The following NUDCD3 variants were observed in gnomAD, a reference collection of about 807,000 sequenced individuals.
The protein encoded by NUDCD3 is nudC domain-containing protein 3.
In NUDCD3, 13 loss-of-function variants were observed where a neutral mutation model predicts 39.7. The observed-to-expected ratio is 0.33, with a 90% CI of 0.21 to 0.52. The LOEUF (loss-of-function observed/expected upper bound fraction) is 0.52. Among genes scored for constraint, NUDCD3 ranks in the 20% least tolerant of loss-of-function variants. The pLI is 0.96. For missense variants in NUDCD3, 453 were observed against 458.1 expected, an observed-to-expected ratio of 0.99 and a Z score of 0.10; for synonymous variants, 175 against 172.4, an observed-to-expected ratio of 1.02 and a Z score of -0.12.
intron 2 of NUDCD3, chr7:44,484,439 G>A (rs1307608530): frequency 1.3e-5 from 2 of 153,210 alleles, no homozygotes; most frequent in Non-Finnish European, 2.9e-5. Flanking sequence ...TATGAGACAG[G>A]TACTATTATT....
chr7:44,379,287 CA>C lies in NUDCD3; in HGVS notation c.*6723del, dbSNP rs551774442. The C allele has an allele frequency of 6.1e-3, 568 of 93,520 alleles. 3 individuals are homozygous for C. Among genetic ancestry groups the C allele is most frequent in the African/African-American group, 0.01 (256 of 25,390 alleles). The allele number at this position is 93,520 out of a possible 1,614,324, so 5.8% of individuals were successfully genotyped here. On this transcript the variant is annotated 3_prime_UTR_variant, in exon 6 of 6. Transcript: ENST00000355451. Reference sequence around the variant, plus strand: ...GGGCAACACAGGAAAAACTCTGTCTCAAAAAAAAAAAAAACTTTTAAAATGA... The same window carrying C: ...GGGCAACACAGGAAAAACTCTGTCTCAAAAAAAAAAAAACTTTTAAAATGA...
chr7:44,457,361 G>C (rs909224712), intron 2 of NUDCD3, among the ~76,000 whole-genome samples: 5 of 152,078 alleles, frequency 3.3e-5, no homozygotes, highest in Non-Finnish European at 2.9e-5. Flanking sequence ...CAGATGAGAA[G>C]AAAAAAGTAA....
intron 3 of NUDCD3, among the ~76,000 whole-genome samples, chr7:44,409,721 T>C (rs899912886): frequency 6.6e-6 from 1 of 152,164 alleles, no homozygotes; most frequent in African/African-American, 2.4e-5. Flanking sequence ...CTCAAAGAGC[T>C]AAGAAAACTA....
In NUDCD3 at chr7:44,385,919, G is replaced by A. The variant is rs916600443; in HGVS notation, c.*92C>T. On this transcript the variant is annotated 3_prime_UTR_variant, in exon 6 of 6. Transcript: ENST00000355451. ...AAGGATGGCTAGGGGTAAACAAGACGAGCAAGTCCCTGGAATGCAGGGAGC... is the reference window on the plus strand; with the variant it reads ...AAGGATGGCTAGGGGTAAACAAGACAAGCAAGTCCCTGGAATGCAGGGAGC... The A allele has an allele frequency of 1.5e-5, 11 of 729,562 alleles. No homozygotes were observed. The highest frequency in any genetic ancestry group is 1.4e-4 in the Admixed American group (7 of 51,040). 45.2% of individuals were successfully genotyped at this position (729,562 alleles called of 1,614,324 possible). A position where few individuals can be genotyped will look rare whatever the true frequency, so the allele number is the denominator to read the frequency against.
At chr7:44,391,434 T>C (rs1029548094) in intron 5 of NUDCD3, among the ~76,000 whole-genome samples, 3 of 152,170 alleles carry the variant, frequency 2.0e-5, no homozygotes, top group Non-Finnish European at 4.4e-5. Flanking sequence ...AAGGTAAGAC[T>C]AAGACAATCC....
chr7:44,459,902 A>G (rs1288680263), intron 2 of NUDCD3, among the ~76,000 whole-genome samples: 1 of 152,240 alleles, frequency 6.6e-6, no homozygotes, highest in Non-Finnish European at 1.5e-5. Flanking sequence ...TCAAGTTAAT[A>G]TGGAGTTTTA....
intron 2 of NUDCD3, chr7:44,472,066 T>C (rs1300037573): frequency 1.1e-4 from 16 of 152,210 alleles, no homozygotes; most frequent in Admixed American, 1.0e-3. Flanking sequence ...GCTTCTCAGA[T>C]TGATGGAAGC....
chr7:44,394,606 C>T (rs1252854636), intron 4 of NUDCD3, among the ~76,000 whole-genome samples: 2 of 152,198 alleles, frequency 1.3e-5, no homozygotes, highest in Non-Finnish European at 2.9e-5. Flanking sequence ...ATTTTATTAG[C>T]GTTCACAAGT....
At chr7:44,404,362 A>G (rs932558379) in intron 4 of NUDCD3, 78 bp downstream of exon 4, 1 of 1,439,440 alleles carries the variant, frequency 6.9e-7, no homozygotes, top group Non-Finnish European at 9.6e-7. Context: ...AAGTGTAAAT[A>G]GGCTTGTTGG....
At chr7:44,442,744 G>A (rs1019695869) in intron 2 of NUDCD3, among the ~76,000 whole-genome samples, 16 of 141,248 alleles carry the variant, frequency 1.1e-4, no homozygotes, top group East Asian at 4.5e-4. Context: ...GGCCCAGGCC[G>A]GACTGCAGTG....
chr7:44,421,228 G>A (rs1012902322), intron 3 of NUDCD3, among the ~76,000 whole-genome samples: 2 of 151,860 alleles, frequency 1.3e-5, no homozygotes, highest in African/African-American at 4.8e-5. Flanking sequence ...CAGCTACATG[G>A]GAGGCTGAGG....
At chr7:44,449,865 A>C (rs949960312) in intron 2 of NUDCD3, among the ~76,000 whole-genome samples, 1 of 151,926 alleles carries the variant, frequency 6.6e-6, no homozygotes, top group Non-Finnish European at 1.5e-5. Flanking sequence ...AAAAAAAAAA[A>C]AAAACTGATA....
At chr7:44,442,384 A>G (rs1799602434) in intron 2 of NUDCD3, among the ~76,000 whole-genome samples, 1 of 152,184 alleles carries the variant, frequency 6.6e-6, no homozygotes, top group Non-Finnish European at 1.5e-5. Flanking sequence ...GCAGAATGCC[A>G]AAAGAAGTAG....
rs369046903 is a variant in NUDCD3, at chr7:44,456,650, G to A, written c.509+28318C>T. 9.1e-4 allele frequency among the ~76,000 whole-genome samples: 138 copies of A among 152,220 alleles called. 2 individuals carry two copies. The South Asian group carries it at 0.028, about 31-fold the overall frequency. ...ACATGCCTATGGTCCCAGCTCCTCA[G>A]GGGACTGAGGTGAGAGGATTGCTTG... On this transcript the variant is annotated intron_variant, in intron 2 of 5. Coordinates refer to ENST00000355451, the MANE Select transcript of NUDCD3 (RefSeq NM_015332.4).
At chr7:44,489,465 G>C (rs552616016) in intron 1 of NUDCD3, among the ~76,000 whole-genome samples, 76 of 152,336 alleles carry the variant, frequency 5.0e-4, no homozygotes, top group Non-Finnish European at 8.4e-4. Context: ...ACTTCAGGAG[G>C]AAACATCTGA....
intron 2 of NUDCD3, among the ~76,000 whole-genome samples, chr7:44,476,474 C>T (rs1196400116): frequency 6.6e-6 from 1 of 152,144 alleles, no homozygotes; most frequent in East Asian, 1.9e-4. Flanking sequence ...TTCATTTGCC[C>T]CTTTCACCAT....
At chr7:44,391,352 G>C (rs1798511374) in intron 5 of NUDCD3, among the ~76,000 whole-genome samples, 1 of 152,118 alleles carries the variant, frequency 6.6e-6, no homozygotes, top group African/African-American at 2.4e-5. Flanking sequence ...TGTGAAAATA[G>C]GCAAGAACGG....
intron 2 of NUDCD3, chr7:44,467,890 C>T (rs769381245): frequency 3.2e-5 from 52 of 1,601,684 alleles, no homozygotes; most frequent in African/African-American, 4.0e-5. Flanking sequence ...ATCTCCTCCT[C>T]GGCATCATGG....
At position 44,380,032 on chromosome 7, in the gene NUDCD3, T is replaced by G. The variant is rs894500863; in HGVS notation, c.*5979A>C. ...CGGGGAGGCAGACAGCGTCCACCAC[T>G]ACCAGGTCCACCTGCTTTAGGTATA... is the stretch of plus-strand genomic sequence containing the variant. On this transcript the variant is annotated 3_prime_UTR_variant, in exon 6 of 6. Coordinates refer to ENST00000355451, the MANE Select transcript of NUDCD3 (RefSeq NM_015332.4). 1 of 152,268 alleles carries G rather than the reference T, an allele frequency of 6.6e-6. No homozygotes were observed. The highest frequency in any genetic ancestry group is 2.4e-5 in the African/African-American group (1 of 41,464). 9.4% of individuals were successfully genotyped at this position (152,268 alleles called of 1,614,324 possible).
Sources: allele counts gnomAD v4.1 joint callset (sites outside exome capture counted in the v4.1 genomes callset), GRCh38; gene constraint gnomAD v4.1.1; transcripts MANE v1.5; gene names NCBI Gene and HGNC (gene_info 2026-07-23, HGNC 2026-07-21).